COPG2: variants seen among roughly 807,000 people sequenced by gnomAD.
COPG2 encodes coatomer subunit gamma-2.
Under a neutral mutation model 46.3 loss-of-function variants are expected in COPG2, and 37 were observed. That is an observed-to-expected ratio of 0.80 (90% CI 0.61 to 1.05). The LOEUF (loss-of-function observed/expected upper bound fraction) is 1.05. Ranked by LOEUF, COPG2 falls within the 50% of genes least tolerant of loss-of-function variation. The probability of loss-of-function intolerance (pLI) is 0.00; values close to 1 mark genes in which losing one functional copy is unlikely to be tolerated. For missense variants in COPG2, 427 were observed against 387.8 expected (o/e 1.10, Z -0.85); for synonymous variants, 159 against 129.7 (o/e 1.23, Z -1.53).
intron 5 of COPG2, among the ~76,000 whole-genome samples, chr7:130,634,370 A>G (rs1187847747): frequency 6.6e-6 from 1 of 152,096 alleles, no homozygotes; most frequent in Non-Finnish European, 1.5e-5. Context: ...ATGTTTTTCC[A>G]TTTGTTTGTG....
At chr7:130,575,849 C>G (rs1460264889) in intron 9 of COPG2, among the ~76,000 whole-genome samples, 1 of 152,098 alleles carries the variant, frequency 6.6e-6, no homozygotes, top group Non-Finnish European at 1.5e-5. Flanking sequence ...CACATACTCT[C>G]ATAAAGTACA....
chr7:130,542,787 A>C (rs1793357246), intron 20 of COPG2, among the ~76,000 whole-genome samples: 1 of 152,080 alleles, frequency 6.6e-6, no homozygotes, highest in Non-Finnish European at 1.5e-5. Context: ...GGCAGGTAGG[A>C]GGGGAGATAA....
intron 9 of COPG2, among the ~76,000 whole-genome samples, chr7:130,576,149 C>T (rs1793995616): frequency 6.6e-6 from 1 of 152,150 alleles, no homozygotes; most frequent in South Asian, 2.1e-4. Context: ...ACTGACAGCA[C>T]TAGACAGGTC....
intron 4 of COPG2, among the ~76,000 whole-genome samples, chr7:130,654,011 GA>G (rs146649342): frequency 8.4e-4 from 127 of 151,808 alleles, no homozygotes; most frequent in African/African-American, 2.8e-3. Flanking sequence ...CTAGAGATAC[GA>G]AAAAAATTTC....
chr7:130,668,402 G>A (rs1444751060), intron 1 of COPG2, among the ~76,000 whole-genome samples: 3 of 148,662 alleles, frequency 2.0e-5, no homozygotes, highest in Non-Finnish European at 4.5e-5. Flanking sequence ...GGGCGCGCGC[G>A]GGCGCCGGGG....
chr7:130,548,279 A>G (rs1793477639), intron 19 of COPG2, 124 bp downstream of exon 19: 3 of 396,784 alleles, frequency 7.6e-6, no homozygotes, highest in African/African-American at 6.2e-5. Flanking sequence ...GTTAAGCAAG[A>G]AAACCAGAAA....
rs554394499 is a variant in COPG2 at position 130,629,358 on chromosome 7, TTCTC to T, written c.324-12297_324-12294del. On this transcript the variant is annotated intron_variant, in intron 5 of 23. Transcript: ENST00000425248. ...AATGGCCATTATTACCTCAAATGCT[TTCTC>T]TCTCCTTTCTCCTTCTGGAATTTTA... Among the ~76,000 whole-genome samples, 14 of 151,914 alleles carry T rather than the reference TTCTC, an allele frequency of 9.2e-5. No homozygotes were observed. The East Asian group carries it at 9.7e-4, about 11-fold the overall frequency.
chr7:130,653,956 C>A (rs1294948066), intron 4 of COPG2, among the ~76,000 whole-genome samples: 1 of 151,250 alleles, frequency 6.6e-6, no homozygotes, highest in Admixed American at 6.6e-5. Context: ...GAACACCCCA[C>A]CCCAATTTAA....
intron 6 of COPG2, 40 bp from the exon 7 acceptor site, chr7:130,613,676 A>G (rs1246197947): frequency 7.4e-7 from 1 of 1,352,596 alleles, no homozygotes; most frequent in Non-Finnish European, 1.0e-6. Context: ...AAGGAAAAAC[A>G]TGCTTATGCA....
intron 20 of COPG2, among the ~76,000 whole-genome samples, chr7:130,529,298 G>T (rs1291447531): frequency 2.6e-5 from 4 of 152,162 alleles, no homozygotes; most frequent in African/African-American, 9.7e-5. Flanking sequence ...GGATGCTGAA[G>T]ATGAAGCTGA....
intron 20 of COPG2, among the ~76,000 whole-genome samples, chr7:130,538,139 G>T (rs1352142842): frequency 2.0e-5 from 3 of 152,116 alleles, no homozygotes; most frequent in African/African-American, 7.2e-5. Flanking sequence ...TGAGTCTGTG[G>T]ATTGACCTGG....
chr7:130,597,289 G>A (rs936628095), intron 9 of COPG2, among the ~76,000 whole-genome samples: 1 of 152,208 alleles, frequency 6.6e-6, no homozygotes, highest in Admixed American at 6.5e-5. Flanking sequence ...GCCAGTGGGG[G>A]TGCTGGGACT....
intron 3 of COPG2, 110 bp from the exon 4 acceptor site, chr7:130,663,148 GA>G (rs1341373929): frequency 3.3e-6 from 2 of 605,162 alleles, no homozygotes; most frequent in Non-Finnish European, 5.5e-6. Context: ...TAGAACTCAA[GA>G]AAAAAGAATC....
At chr7:130,625,172 G>T (rs995117179) in intron 5 of COPG2, among the ~76,000 whole-genome samples, 29 of 152,060 alleles carry the variant, frequency 1.9e-4, no homozygotes, top group African/African-American at 7.0e-4. Flanking sequence ...TAGTGATGTT[G>T]GGCATTTTTT....
Position 130,506,485 on chromosome 7 carries a change from G to GAAAAAAAAAAAAAAAAAAAAA in COPG2, c.*190_*191insTTTTTTTTTTTTTTTTTTTTT, listed in dbSNP as rs61354155. ...CAAAGCTGACCAAGTAGAATAAAAA[G>GAAAAAAAAAAAAAAAAAAAAA]AAAAAAAAAAAAAAACAACCCATGC... is the stretch of plus-strand genomic sequence containing the variant. On this transcript the variant is annotated 3_prime_UTR_variant, in exon 24 of 24. Coordinates refer to ENST00000425248, the MANE Select transcript of COPG2 (RefSeq NM_012133.6). The GAAAAAAAAAAAAAAAAAAAAA allele has an allele frequency of 3.1e-6, 1 of 320,002 alleles. No individual in the cohort carries two copies. Among genetic ancestry groups the GAAAAAAAAAAAAAAAAAAAAA allele is most frequent in the Non-Finnish European group, 5.5e-6 (1 of 181,240 alleles). 19.8% of individuals were successfully genotyped at this position (320,002 alleles called of 1,614,324 possible).
chr7:130,557,635 C>T (rs1261530230), intron 12 of COPG2, among the ~76,000 whole-genome samples: 2 of 151,278 alleles, frequency 1.3e-5, no homozygotes, highest in African/African-American at 4.9e-5. Flanking sequence ...GGTGAAACCT[C>T]GTCTCCACTA....
At chr7:130,628,513 A>C (rs1016840531) in intron 5 of COPG2, among the ~76,000 whole-genome samples, 20 of 152,122 alleles carry the variant, frequency 1.3e-4, no homozygotes, top group African/African-American at 4.6e-4. Context: ...ATATATTTTT[A>C]TATATGCTTT....
chr7:130,530,610 G>A (rs1799814716), intron 20 of COPG2, among the ~76,000 whole-genome samples: 1 of 152,188 alleles, frequency 6.6e-6, no homozygotes, highest in Non-Finnish European at 1.5e-5. Context: ...ATAGGCCCTG[G>A]GTGGTTGAGA....
At chr7:130,529,552 C>T (rs908663523) in intron 20 of COPG2, among the ~76,000 whole-genome samples, 2 of 151,994 alleles carry the variant, frequency 1.3e-5, no homozygotes, top group East Asian at 3.9e-4. Context: ...CTGAGGTGTC[C>T]GCAGATCTCA....
Sources: gnomAD v4.1 joint callset for allele counts (sites outside exome capture counted in the v4.1 genomes callset) on GRCh38, gnomAD v4.1.1 for gene constraint, MANE v1.5 for transcripts, NCBI Gene and HGNC (gene_info 2026-07-23, HGNC 2026-07-21) for gene names.